The following MYO18B variants were observed in gnomAD, a reference collection of about 807,000 sequenced individuals.
MYO18B encodes myosin XVIIIB.
In MYO18B, 204 loss-of-function variants were observed where a neutral mutation model predicts 273.0. The observed-to-expected ratio is 0.75, with a 90% CI of 0.67 to 0.84. The LOEUF is 0.84. MYO18B is among the 40% of genes least tolerant of loss of function. The pLI, the probability that MYO18B is intolerant of heterozygous loss-of-function variation, is 0.00. For missense variants in MYO18B, 3,212 were observed against 3,287.6 expected (o/e 0.98, Z 0.56); for synonymous variants, 1,330 against 1,305.7 (o/e 1.02, Z -0.40).
intron 28 of MYO18B, chr22:25,897,288 A>G (rs1000899599): frequency 1.3e-5 from 2 of 152,246 alleles, no homozygotes; most frequent in Non-Finnish European, 2.9e-5. Context: ...AGCAAAAAGT[A>G]TCATGTGATT....
chr22:25,942,105 T>G (rs1375928035), intron 34 of MYO18B, among the ~76,000 whole-genome samples: 1 of 152,228 alleles, frequency 6.6e-6, no homozygotes, highest in African/African-American at 2.4e-5. Context: ...GCAGACATCC[T>G]GTGATGGAAC....
In MYO18B at chr22:25,763,405, G is replaced by C; in HGVS notation, c.198+16G>C. 1 of 1,570,240 alleles carries C rather than the reference G, an allele frequency of 6.4e-7. No homozygotes were observed. The highest frequency in any genetic ancestry group is 8.6e-7 in the Non-Finnish European group (1 of 1,164,964). On this transcript the variant is annotated intron_variant, in intron 3 of 43. Transcript: ENST00000335473. ...AGAACGAGAGGTAAGTGGTTCCTAA[G>C]AAGGAGGACCGTATGCGTTTCCATA...
chr22:25,852,872 A>G (rs2090463841), intron 21 of MYO18B, among the ~76,000 whole-genome samples: 1 of 152,194 alleles, frequency 6.6e-6, no homozygotes, highest in African/African-American at 2.4e-5. Context: ...CAGTTTCCTC[A>G]TGTGTAAAGT....
intron 12 of MYO18B, among the ~76,000 whole-genome samples, chr22:25,812,074 G>C (rs1042270198): frequency 6.6e-6 from 1 of 151,174 alleles, no homozygotes; most frequent in African/African-American, 2.4e-5. Context: ...ACAGTCCCAA[G>C]TGGCACAAAG....
intron 39 of MYO18B, among the ~76,000 whole-genome samples, chr22:25,984,578 C>T (rs183851701): frequency 9.8e-4 from 149 of 152,114 alleles, no homozygotes; most frequent in Non-Finnish European, 1.7e-3. Flanking sequence ...CCACTTGACA[C>T]CAGGAGTTTG....
intron 33 of MYO18B, among the ~76,000 whole-genome samples, chr22:25,915,014 A>G (rs532631407): frequency 6.6e-6 from 1 of 151,694 alleles, no homozygotes; most frequent in East Asian, 1.9e-4. Flanking sequence ...ACTCTTGACC[A>G]TGGATTGGGG....
chr22:25,999,552 CCCTCTTCCCCCTCCTCCT>C (rs1933707244), intron 40 of MYO18B, among the ~76,000 whole-genome samples: 1 of 38,504 alleles, frequency 2.6e-5, no homozygotes, highest in African/African-American at 1.9e-4. Flanking sequence ...TTCCCCCTCC[CCCTCTTCCCCCTCCTCCT>C]CTTCCCCCTC....
rs1439570643 is a variant in MYO18B at position 25,876,183 on chromosome 22, C to G, written c.4081-6C>G. On this transcript the variant is annotated splice_polypyrimidine_tract_variant and splice_region_variant and intron_variant, in intron 23 of 43. Coordinates refer to ENST00000335473, the MANE Select transcript of MYO18B (RefSeq NM_032608.7). The stretch of plus-strand genomic sequence containing the variant: ...ACCCTCCAGTCTGTGTTCTCCTTCC[C>G]TGCAGATTCGCCGACTGGCTGCACA... 6.2e-7 allele frequency: 1 copy of G among 1,610,058 alleles called. No individual in the cohort carries two copies. The highest frequency in any genetic ancestry group is 2.2e-5 in the East Asian group (1 of 44,720).
intron 39 of MYO18B, 50 bp from the exon 40 acceptor site, chr22:25,992,313 G>A (rs1485428919): frequency 2.5e-6 from 4 of 1,606,162 alleles, no homozygotes; most frequent in Middle Eastern, 1.7e-4. Flanking sequence ...ATGCATGGGT[G>A]GTGCATTTCT....
intron 25 of MYO18B, among the ~76,000 whole-genome samples, chr22:25,890,330 C>T (rs907363746): frequency 6.6e-6 from 1 of 152,196 alleles, no homozygotes; most frequent in Non-Finnish European, 1.5e-5. Flanking sequence ...GTGTGTCTTA[C>T]TGAGGGACAG....
At chr22:25,791,217 G>GAGGC (rs749752699) in intron 11 of MYO18B, among the ~76,000 whole-genome samples, 3 of 152,188 alleles carry the variant, frequency 2.0e-5, no homozygotes, top group Non-Finnish European at 4.4e-5. Flanking sequence ...GGGAGGAGGA[G>GAGGC]AGGCATATCA....
At chr22:25,810,878 G>A (rs1389596085) in intron 12 of MYO18B, among the ~76,000 whole-genome samples, 1 of 152,112 alleles carries the variant, frequency 6.6e-6, no homozygotes, top group African/African-American at 2.4e-5. Flanking sequence ...TCTATTAGCA[G>A]CAAAGGTCCA....
rs71311530 is a variant in MYO18B, at chr22:25,931,681, CTTT to C, written c.5517+10289_5517+10291del. On this transcript the variant is annotated intron_variant, in intron 34 of 43. Transcript: ENST00000335473. ...TGCCTTTTCTTTTTTTTTCTTTTTT[CTTT>C]TTTTTTTTTTTTTTTTGAGACAGGG... Among the ~76,000 whole-genome samples the C allele has an allele frequency of 6.5e-4, 80 of 123,518 alleles. No homozygotes were observed. The South Asian group carries it at 0.017, about 26-fold the overall frequency. 81.0% of individuals were successfully genotyped at this position (123,518 alleles called of 152,430 possible). A position where few individuals can be genotyped will look rare whatever the true frequency, so the allele number is the denominator to read the frequency against.
intron 29 of MYO18B, 35 bp downstream of exon 29, chr22:25,898,496 A>T: frequency 6.2e-7 from 1 of 1,605,832 alleles, no homozygotes; most frequent in Non-Finnish European, 8.5e-7. Flanking sequence ...CTGGGCTGCC[A>T]GGGTGGGCTA....
intron 19 of MYO18B, among the ~76,000 whole-genome samples, chr22:25,846,836 C>T (rs533317048): frequency 1.6e-4 from 25 of 152,284 alleles, no homozygotes; most frequent in Non-Finnish European, 4.4e-5. Context: ...AATTCCAGCA[C>T]TTTGGGAGGC....
At position 25,769,413 on chromosome 22, in the gene MYO18B, CAG is replaced by C; in HGVS notation, c.1501_1502del (p.Asp501LeufsTer6). ...PQEEGKGGQS[R>X]DSDQAPEDRW... ...AGGAGGAGGGCAAAGGAGGCCAGAG[CAG>C]AGACTCAGACCAGGTGAGGGGGCTG... On this transcript the variant is annotated frameshift_variant, in exon 4 of 44. Coordinates refer to ENST00000335473, the MANE Select transcript of MYO18B (RefSeq NM_032608.7). LOFTEE classifies it high-confidence loss of function. The C allele has an allele frequency of 6.4e-7, 1 of 1,551,876 alleles. No homozygotes were observed. Among genetic ancestry groups the C allele is most frequent in the Non-Finnish European group, 8.7e-7 (1 of 1,148,992 alleles).
chr22:26,022,004 A>T (rs1327234509), intron 42 of MYO18B, among the ~76,000 whole-genome samples: 1 of 152,126 alleles, frequency 6.6e-6, no homozygotes, highest in African/African-American at 2.4e-5. Flanking sequence ...TAGCAGGTAT[A>T]CCAGAAGGAT....
intron 25 of MYO18B, among the ~76,000 whole-genome samples, chr22:25,881,795 A>T (rs1446626789): frequency 3.3e-5 from 5 of 152,198 alleles, no homozygotes. Context: ...GGTTACAACA[A>T]GATGTATGGG....
chr22:25,946,158 T>C lies in MYO18B; in HGVS notation c.5539T>C (p.Cys1847Arg). ...CCAGCTGGAGCAGAGTGAAGCCAAG[T>C]GTGAGGAGGCCTTGAAGACGCAGAA... is the stretch of plus-strand genomic sequence containing the variant. ...HSQLEQSEAKCEEALKTQKVL... is the reference protein window; with the variant it reads ...HSQLEQSEAKREEALKTQKVL... The change falls in exon 35 of 44, where the codon TGT becomes CGT. Residue 1847 changes from cysteine (C) to arginine (R), a missense_variant. Cys to Arg is a radical substitution (Grantham distance 180). Coordinates refer to ENST00000335473, the MANE Select transcript of MYO18B (RefSeq NM_032608.7). The C allele has an allele frequency of 1.3e-6, 2 of 1,559,502 alleles. No individual in the cohort carries two copies. The highest frequency in any genetic ancestry group is 1.7e-6 in the Non-Finnish European group (2 of 1,157,318).
Sources: gnomAD v4.1 joint callset for allele counts (sites outside exome capture counted in the v4.1 genomes callset) on GRCh38, gnomAD v4.1.1 for gene constraint, MANE v1.5 for transcripts, NCBI Gene and HGNC (gene_info 2026-07-23, HGNC 2026-07-21) for gene names.